The following COG5 variants were observed in gnomAD, a reference collection of about 807,000 sequenced individuals.
The protein encoded by COG5 is component of oligomeric golgi complex 5.
In COG5, 86 loss-of-function variants were observed where a neutral mutation model predicts 110.4. The ratio of observed to expected loss-of-function variants is 0.78; its 90% CI spans 0.65 to 0.93. The LOEUF (loss-of-function observed/expected upper bound fraction) is 0.93, where lower values mean the gene tolerates loss of function less well. Among genes scored for constraint, COG5 ranks in the 40% least tolerant of loss-of-function variants. The pLI, the probability that COG5 is intolerant of heterozygous loss-of-function variation, is 0.00. For missense variants in COG5, 1,077 were observed against 987.0 expected (o/e 1.09, Z -1.22); for synonymous variants, 360 against 334.6 (o/e 1.08, Z -0.83).
chr7:107,257,692 C>A (rs1382280408), intron 15 of COG5, among the ~76,000 whole-genome samples: 1 of 152,024 alleles, frequency 6.6e-6, no homozygotes, highest in Non-Finnish European at 1.5e-5. Flanking sequence ...TAGTAATTAA[C>A]AATACAGTTC....
intron 12 of COG5, among the ~76,000 whole-genome samples, chr7:107,285,138 T>C (rs1353039799): frequency 1.3e-5 from 2 of 152,204 alleles, no homozygotes; most frequent in Admixed American, 6.5e-5. Context: ...GCTGGGAAGA[T>C]AGAGATTAAG....
At chr7:107,536,060 T>A (rs954892417) in intron 5 of COG5, among the ~76,000 whole-genome samples, 1 of 152,084 alleles carries the variant, frequency 6.6e-6, no homozygotes, top group South Asian at 2.1e-4. Flanking sequence ...AAAAACCACA[T>A]GATTATCTCA....
chr7:107,504,815 C>A (rs1798870919), intron 6 of COG5, among the ~76,000 whole-genome samples: 1 of 152,188 alleles, frequency 6.6e-6, no homozygotes, highest in African/African-American at 2.4e-5. Context: ...CTCAAATGAT[C>A]TATTGCGTTC....
chr7:107,457,176 T>G (rs1233233492), intron 6 of COG5, among the ~76,000 whole-genome samples: 1 of 151,628 alleles, frequency 6.6e-6, no homozygotes, highest in African/African-American at 2.4e-5. Flanking sequence ...AACACATGAA[T>G]AGAGAGAAAT....
intron 7 of COG5, among the ~76,000 whole-genome samples, chr7:107,383,239 A>T (rs1310228251): frequency 6.6e-6 from 1 of 152,174 alleles, no homozygotes; most frequent in Non-Finnish European, 1.5e-5. Flanking sequence ...CTTAATGATA[A>T]GGAGTCCATG....
chr7:107,334,360 GA>G (rs953541712), intron 10 of COG5, among the ~76,000 whole-genome samples: 1 of 152,120 alleles, frequency 6.6e-6, no homozygotes, highest in Non-Finnish European at 1.5e-5. Context: ...TGATCTTACA[GA>G]AGTGTTCCAA....
At chr7:107,297,882 C>T (rs189005835) in intron 12 of COG5, among the ~76,000 whole-genome samples, 1 of 152,230 alleles carries the variant, frequency 6.6e-6, no homozygotes, top group African/African-American at 2.4e-5. Context: ...GCATGATCAT[C>T]TTCTAGCTTC....
chr7:107,236,521 T>A lies in COG5; in HGVS notation c.2020A>T (p.Ile674Phe). 1 of 1,614,172 alleles carries A rather than the reference T, an allele frequency of 6.2e-7. No homozygotes were observed. Among genetic ancestry groups the A allele is most frequent in the African/African-American group, 1.3e-5 (1 of 75,044 alleles). The part of the protein sequence containing the change: ...AIAQRAVELF[I>F]RHASLIRPLG... ...GGTCTTATGAGACTGGCATGGCGGA[T>A]AAAAAGTTCAACAGCTCTTTGGGCA... The change falls in exon 18 of 22, where the codon ATC becomes TTC. Residue 674 changes from isoleucine (I) to phenylalanine (F), a missense_variant. By Grantham distance (21) the Ile-to-Phe change is conservative (BLOSUM62 0). Coordinates refer to ENST00000297135, the MANE Select transcript of COG5 (RefSeq NM_006348.5).
At chr7:107,265,398 T>A (rs752330882) in intron 14 of COG5, among the ~76,000 whole-genome samples, 27 of 152,096 alleles carry the variant, frequency 1.8e-4, no homozygotes, top group Non-Finnish European at 3.7e-4. Context: ...CCATCTCAGC[T>A]TCCCGAGTAG....
chr7:107,389,228 A>G (rs780342478), intron 7 of COG5, among the ~76,000 whole-genome samples: 3 of 152,050 alleles, frequency 2.0e-5, no homozygotes, highest in Admixed American at 6.5e-5. Flanking sequence ...GGGTCCCTCA[A>G]TAATGGCACA....
rs1796882246 is a variant in COG5 at position 107,474,958 on chromosome 7, C to T, written c.538+52279G>A. 2 of 1,612,286 alleles carry T rather than the reference C, an allele frequency of 1.2e-6. No homozygotes were observed. The highest frequency in any genetic ancestry group is 1.7e-5 in the Admixed American group (1 of 59,714). On this transcript the variant is annotated intron_variant, in intron 6 of 21. Coordinates refer to ENST00000297135, the MANE Select transcript of COG5 (RefSeq NM_006348.5). The surrounding 1 kb of genome is among the most constrained non-coding windows in gnomAD (Gnocchi z 5.7). ...AATTGCCCTCCGGCGAGCTGTGAAA[C>T]GACACCGTGAACGACGAGAAAGACA... is the stretch of plus-strand genomic sequence containing the variant.
chr7:107,469,503 T>G (rs528494718), intron 6 of COG5, among the ~76,000 whole-genome samples: 184 of 152,264 alleles, frequency 1.2e-3, no homozygotes, highest in Non-Finnish European at 2.0e-3. Context: ...ATGAAATGAA[T>G]GAATACCCAA....
intron 10 of COG5, among the ~76,000 whole-genome samples, chr7:107,329,476 A>G (rs1022429183): frequency 1.2e-4 from 18 of 152,176 alleles, no homozygotes; most frequent in Non-Finnish European, 2.4e-4. Context: ...TGTATGATGT[A>G]TCCCTATATA....
At chr7:107,535,240 T>G (rs1242841099) in intron 5 of COG5, among the ~76,000 whole-genome samples, 1 of 151,454 alleles carries the variant, frequency 6.6e-6, no homozygotes, top group Non-Finnish European at 1.5e-5. Flanking sequence ...ATTGACACCC[T>G]AACATCACAA....
chr7:107,445,642 T>C (rs540544305), intron 6 of COG5, among the ~76,000 whole-genome samples: 4 of 152,322 alleles, frequency 2.6e-5, no homozygotes, highest in Non-Finnish European at 5.9e-5. Context: ...TTCTATTTCA[T>C]TCTTTAGTGT....
intron 14 of COG5, among the ~76,000 whole-genome samples, chr7:107,267,811 T>C (rs1294460505): frequency 6.6e-6 from 1 of 152,132 alleles, no homozygotes; most frequent in Non-Finnish European, 1.5e-5. Context: ...ATCCCAGCAC[T>C]TTGGGAGGTT....
intron 18 of COG5, 44 bp downstream of exon 18, chr7:107,236,406 T>C (rs770740728): frequency 1.4e-6 from 2 of 1,382,656 alleles, no homozygotes; most frequent in East Asian, 2.3e-5. Context: ...TAGATGATAT[T>C]GAGGCCAAAA....
intron 11 of COG5, among the ~76,000 whole-genome samples, chr7:107,321,038 A>C (rs2117049515): frequency 1.3e-5 from 2 of 152,312 alleles, no homozygotes; most frequent in East Asian, 3.9e-4. Context: ...TGAGTTTTAC[A>C]TTTGCTTTCT....
chr7:107,291,580 C>A (rs185986900), intron 12 of COG5, among the ~76,000 whole-genome samples: 4 of 152,316 alleles, frequency 2.6e-5, no homozygotes, highest in African/African-American at 4.8e-5. Context: ...CTTGAGATGG[C>A]AGTGCTAATG....
Sources: allele counts gnomAD v4.1 joint callset (sites outside exome capture counted in the v4.1 genomes callset), GRCh38; gene constraint gnomAD v4.1.1; non-coding constraint Gnocchi (gnomAD v3.1); transcripts MANE v1.5; gene names NCBI Gene and HGNC (gene_info 2026-07-23, HGNC 2026-07-21).